Variants in ZNF433 observed in about 807,000 individuals in gnomAD.
ZNF433 encodes zinc finger protein 433.
A neutral mutation model predicts 10.6 loss-of-function variants in ZNF433; 12 were observed. That is an observed-to-expected ratio of 1.13 (90% CI 0.72 to 1.83). The LOEUF (loss-of-function observed/expected upper bound fraction) is 1.83. Among genes scored for constraint, ZNF433 ranks in the 40% most tolerant of loss-of-function variants. The pLI is 0.00. For synonymous variants in ZNF433, 272 were observed against 271.3 expected, an observed-to-expected ratio of 1.00 and a Z score of -0.02; for missense variants, 737 against 798.0, an observed-to-expected ratio of 0.92 and a Z score of 0.92.
Position 12,035,564 on chromosome 19 carries a change from C to T in ZNF433, c.-25G>A, listed in dbSNP as rs1975254485. 2 of 1,566,762 alleles carry T rather than the reference C, an allele frequency of 1.3e-6. No individual in the cohort carries two copies. The highest frequency in any genetic ancestry group is 2.4e-5 in the South Asian group (2 of 84,990). On this transcript the variant is annotated 5_prime_UTR_variant, in exon 1 of 4. The change creates a new upstream start codon in the 5' untranslated region. Transcript: ENST00000550507. ...TTTCTTGCCTTTCAGGTGACTCCCACGACCAGTGCGGGTCACAGCACAGGC... is the reference window on the plus strand; with the variant it reads ...TTTCTTGCCTTTCAGGTGACTCCCATGACCAGTGCGGGTCACAGCACAGGC...
chr19:12,030,924 A>G (rs11878682), intron 1 of ZNF433, among the ~76,000 whole-genome samples: 9,519 of 152,150 alleles, frequency 0.063, 1,059 homozygotes, highest in African/African-American at 0.22. Flanking sequence ...AAAAATACAA[A>G]AATTAGCTGG....
At chr19:12,027,746 C>G (rs2145463091) in intron 1 of ZNF433, among the ~76,000 whole-genome samples, 1 of 152,332 alleles carries the variant, frequency 6.6e-6, no homozygotes. Flanking sequence ...TCTATTATTT[C>G]TCTGAGTGTG....
chr19:12,026,809 T>C, intron 1 of ZNF433: 1 of 454,132 alleles, frequency 2.2e-6, no homozygotes, highest in Non-Finnish European at 4.4e-6. Flanking sequence ...ATTGCACCTC[T>C]CAGTCTGCCT....
intron 1 of ZNF433, among the ~76,000 whole-genome samples, chr19:12,028,365 C>T (rs1974838489): frequency 6.6e-6 from 1 of 152,180 alleles, no homozygotes; most frequent in Admixed American, 6.5e-5. Flanking sequence ...TAAAATATCA[C>T]ATATCTGATA....
In ZNF433 at chr19:12,015,697, T is replaced by C; in HGVS notation, c.1161A>G (p.Gly387=). ...ATTGGTTGCATTTATAGGGTTTCTC[T>C]CCAGTGTGAGTTTTTTCATGTGTTT... ...SLQTHEKTHT[G]EKPYKCNQCG... Residue 387 remains glycine (G), a synonymous_variant, in exon 4 of 4, where the codon GGA becomes GGG. Transcript: ENST00000550507. The C allele has an allele frequency of 1.9e-6, 3 of 1,613,824 alleles. No homozygotes were observed. The highest frequency in any genetic ancestry group is 2.5e-6 in the Non-Finnish European group (3 of 1,179,946).
intron 1 of ZNF433, among the ~76,000 whole-genome samples, chr19:12,030,353 T>C (rs1974957941): frequency 1.3e-5 from 2 of 152,084 alleles, no homozygotes; most frequent in Non-Finnish European, 2.9e-5. Context: ...CCTGAGTAGC[T>C]GGGACTACAG....
intron 1 of ZNF433, 83 bp from the exon 2 acceptor site, chr19:12,018,375 A>AT: frequency 1.4e-6 from 2 of 1,479,526 alleles, no homozygotes; most frequent in Non-Finnish European, 1.8e-6. Flanking sequence ...AGAGGTTTCC[A>AT]TGATGCTGTG....
rs920614178 is a variant in ZNF433, at chr19:12,015,863, T to C, written c.995A>G (p.Lys332Arg). The part of the protein sequence containing the change: ...VRRHERTHSR[K>R]KPYECKHCGK... The stretch of plus-strand genomic sequence containing the variant: ...ACAATGTTTACATTCATAGGGTTTT[T>C]TCCTAGAGTGGGTTCTTTCATGTCT... Residue 332 changes from lysine (K) to arginine (R), a missense_variant, in exon 4 of 4, where the codon AAA becomes AGA. Physicochemically the swap from Lys to Arg is conservative, Grantham distance 26. Coordinates refer to ENST00000550507, the MANE Select transcript of ZNF433 (RefSeq NM_001308348.2). 1.2e-6 allele frequency: 2 copies of C among 1,613,998 alleles called. No homozygotes were observed. Among genetic ancestry groups the C allele is most frequent in the African/African-American group, 2.7e-5 (2 of 75,044 alleles).
chr19:12,024,510 A>G (rs1195038087), intron 1 of ZNF433: 2 of 152,244 alleles, frequency 1.3e-5, no homozygotes, highest in Non-Finnish European at 2.9e-5. Flanking sequence ...AGGGATATCA[A>G]CTGGATACAA....
chr19:12,032,996 A>G (rs531335983), intron 1 of ZNF433, among the ~76,000 whole-genome samples: 1 of 152,298 alleles, frequency 6.6e-6, no homozygotes, highest in South Asian at 2.1e-4. Flanking sequence ...ATCACATGGG[A>G]CATTTCTCTG....
In ZNF433 at chr19:12,015,694, C is replaced by T. The variant is rs756942581; in HGVS notation, c.1164G>A (p.Glu388=). The T allele has an allele frequency of 1.2e-6, 2 of 1,613,794 alleles. No individual in the cohort carries two copies. The highest frequency in any genetic ancestry group is 3.3e-5 in the Admixed American group (2 of 59,942). The change falls in exon 4 of 4, where the codon GAG becomes GAA. Residue 388 remains glutamate (E), a synonymous_variant. Coordinates refer to ENST00000550507, the MANE Select transcript of ZNF433 (RefSeq NM_001308348.2). ...CACATTGGTTGCATTTATAGGGTTT[C>T]TCTCCAGTGTGAGTTTTTTCATGTG... The part of the protein sequence containing the change: ...LQTHEKTHTG[E]KPYKCNQCGK...
intron 1 of ZNF433, chr19:12,025,000 T>C (rs949155670): frequency 2.6e-5 from 4 of 152,330 alleles, no homozygotes; most frequent in African/African-American, 7.2e-5. Flanking sequence ...GAAAACTATT[T>C]CAATTTTTGA....
At position 12,015,429 on chromosome 19, in the gene ZNF433, A is replaced by G. The variant is rs1599347062; in HGVS notation, c.1429T>C (p.Cys477Arg). 1 of 1,614,070 alleles carries G rather than the reference A, an allele frequency of 6.2e-7. No homozygotes were observed. ...CTGAATGTTTTCCCATAACCCTTAC[A>G]TTCATACGGCTTCTCTTCTCTGTGC... ...RMHREEKPYE[C>R]KGYGKTFSLP... The change falls in exon 4 of 4, where the codon TGT (cysteine) becomes CGT (arginine). Residue 477 changes from cysteine to arginine, a missense_variant. Physicochemically the swap from Cys to Arg is radical, Grantham distance 180. Transcript: ENST00000550507.
chr19:12,027,684 T>C (rs907227299), intron 1 of ZNF433, among the ~76,000 whole-genome samples: 1 of 152,222 alleles, frequency 6.6e-6, no homozygotes, highest in Admixed American at 6.5e-5. Context: ...GTAAATCTCT[T>C]TTCATGGCTT....
At position 12,014,753 on chromosome 19, in the gene ZNF433, T is replaced by C. The variant is rs558794972; in HGVS notation, c.*92A>G. 2.9e-5 allele frequency: 27 copies of C among 940,804 alleles called. No homozygotes were observed. Among genetic ancestry groups the C allele is most frequent in the Non-Finnish European group, 4.1e-5 (27 of 659,358 alleles). 58.3% of individuals were successfully genotyped at this position (940,804 alleles called of 1,614,324 possible). ...GAAGTCTTTTTATTTATTTATTTAA[T>C]TTTTATAACAGAGTCTCACTATGTT... On this transcript the variant is annotated 3_prime_UTR_variant, in exon 4 of 4. Coordinates refer to ENST00000550507, the MANE Select transcript of ZNF433 (RefSeq NM_001308348.2).
intron 1 of ZNF433, chr19:12,023,684 T>G (rs779154936): frequency 7.2e-5 from 11 of 152,004 alleles, no homozygotes; most frequent in Non-Finnish European, 1.6e-4. Context: ...AGAGTTGGAG[T>G]TGGTAAAGCC....
At chr19:12,031,922 T>G (rs1407281653) in intron 1 of ZNF433, among the ~76,000 whole-genome samples, 2 of 129,820 alleles carry the variant, frequency 1.5e-5, no homozygotes, top group Non-Finnish European at 1.6e-5. Context: ...AAAGAACTGT[T>G]TTTTTTTTTT....
chr19:12,015,641 A>C lies in ZNF433; in HGVS notation c.1217T>G (p.Phe406Cys), dbSNP rs1263135019. 5.6e-6 allele frequency: 9 copies of C among 1,613,710 alleles called. No individual in the cohort carries two copies. Among genetic ancestry groups the C allele is most frequent in the Non-Finnish European group, 7.6e-6 (9 of 1,179,900 alleles). Residue 406 changes from phenylalanine (F) to cysteine (C), a missense_variant, in exon 4 of 4, where the codon TTC becomes TGC. Phe to Cys is a radical substitution (Grantham distance 205). Transcript: ENST00000550507. ...CGKAFNSSSSFRYHERTHTGE... is the reference protein window; with the variant it reads ...CGKAFNSSSSCRYHERTHTGE... Reference sequence around the variant, plus strand: ...AGTGTGAGTTCTTTCATGATATCGGAAGGAACTGGAAGAATTAAAGGCTTT... The same window carrying C: ...AGTGTGAGTTCTTTCATGATATCGGCAGGAACTGGAAGAATTAAAGGCTTT...
chr19:12,015,413 T>C lies in ZNF433; in HGVS notation c.1445A>G (p.Lys482Arg). 1 of 1,614,186 alleles carries C rather than the reference T, an allele frequency of 6.2e-7. No homozygotes were observed. The change falls in exon 4 of 4, where the codon AAA (lysine) becomes AGA (arginine). Residue 482 changes from lysine (K) to arginine (R), a missense_variant. Physicochemically the swap from Lys to Arg is conservative, Grantham distance 26. Coordinates refer to ENST00000550507, the MANE Select transcript of ZNF433 (RefSeq NM_001308348.2). Reference protein sequence around the residue: ...EKPYECKGYGKTFSLPSLFHR... With the variant: ...EKPYECKGYGRTFSLPSLFHR... ...AAATAAACTGGGCAAACTGAATGTT[T>C]TCCCATAACCCTTACATTCATACGG...
Sources: allele counts gnomAD v4.1 joint callset (sites outside exome capture counted in the v4.1 genomes callset), GRCh38; gene constraint gnomAD v4.1.1; transcripts MANE v1.5; gene names NCBI Gene and HGNC (gene_info 2026-07-23, HGNC 2026-07-21).